PLCG2: variants seen among roughly 807,000 people sequenced by gnomAD.
PLCG2 encodes the protein phospholipase C gamma 2.
PLCG2 carries 69 observed loss-of-function variants against 175.6 expected under a neutral mutation model. That is an observed-to-expected ratio of 0.39 (90% confidence interval 0.32 to 0.48). PLCG2 has a LOEUF of 0.48. Among genes scored for constraint, PLCG2 ranks in the 20% least tolerant of loss-of-function variants. PLCG2 has a pLI of 0.91. For missense variants in PLCG2, 1,798 were observed against 1,650.9 expected, an observed-to-expected ratio of 1.09 and a Z score of -1.54; for synonymous variants, 827 against 624.0, an observed-to-expected ratio of 1.33 and a Z score of -4.85.
At chr16:81,877,395 C>T (rs1158217842) in intron 7 of PLCG2, among the ~76,000 whole-genome samples, 1 of 152,146 alleles carries the variant, frequency 6.6e-6, no homozygotes, top group Non-Finnish European at 1.5e-5. Context: ...GCGGAACTTA[C>T]AGTGAGCCGA....
rs570285272 is a variant in PLCG2, at chr16:81,824,378, C to A, written c.194-30066C>A. ...TGAACTCCTGATCTTAAGTAATCCACCCACCTCAACCTCCCAAAGTGCTGG... is the reference window on the plus strand; with the variant it reads ...TGAACTCCTGATCTTAAGTAATCCAACCACCTCAACCTCCCAAAGTGCTGG... On this transcript the variant is annotated intron_variant, in intron 2 of 32. Coordinates refer to ENST00000564138, the MANE Select transcript of PLCG2 (RefSeq NM_002661.5). Among the ~76,000 whole-genome samples, 12 of 152,344 alleles carry A rather than the reference C, an allele frequency of 7.9e-5. No homozygotes were observed. In the South Asian group the frequency reaches 2.3e-3, roughly 29 times the overall value.
chr16:81,776,166 T>TG (rs2143121190), upstream of PLCG2, among the ~76,000 whole-genome samples: 1 of 149,644 alleles, frequency 6.7e-6, no homozygotes, highest in East Asian at 2.0e-4. Flanking sequence ...TAGAGTGCAG[T>TG]GGTACAATCT....
intron 25 of PLCG2, 33 bp downstream of exon 25, chr16:81,931,687 C>T: frequency 6.2e-7 from 1 of 1,602,718 alleles, no homozygotes; most frequent in South Asian, 1.1e-5. Context: ...GCAGGTGGGC[C>T]TGGCATTCTG....
intron 2 of PLCG2, chr16:81,767,386 C>T (rs1413893994): frequency 2.0e-5 from 3 of 152,006 alleles, no homozygotes; most frequent in Non-Finnish European, 2.9e-5. Context: ...CTAAAGGGAT[C>T]CCCCCGCCTT....
chr16:81,921,476 G>A, intron 21 of PLCG2: 1 of 603,670 alleles, frequency 1.7e-6, no homozygotes, highest in Non-Finnish European at 3.0e-6. Context: ...CCATCCAAAT[G>A]CAACAGTGTT....
intron 2 of PLCG2, among the ~76,000 whole-genome samples, chr16:81,808,056 G>A (rs1004084500): frequency 6.6e-6 from 1 of 152,212 alleles, no homozygotes; most frequent in Non-Finnish European, 1.5e-5. Context: ...AACAATATTA[G>A]GTTGTTTCTA....
At chr16:81,916,076 GA>G (rs557768885) in intron 19 of PLCG2, among the ~76,000 whole-genome samples, 92 of 152,166 alleles carry the variant, frequency 6.0e-4, no homozygotes, top group African/African-American at 2.0e-3. Flanking sequence ...TCTATTTTTA[GA>G]AAATACAAAT....
chr16:81,956,837 A>G lies in PLCG2; in HGVS notation c.3713A>G (p.Asn1238Ser). The G allele has an allele frequency of 6.2e-7, 1 of 1,614,138 alleles. No individual in the cohort carries two copies. Among genetic ancestry groups the G allele is most frequent in the Non-Finnish European group, 8.5e-7 (1 of 1,179,982 alleles). The change falls in exon 32 of 33, where the codon AAT (asparagine) becomes AGT (serine). Residue 1238 changes from asparagine to serine, a missense_variant. Physicochemically the swap from Asn to Ser is conservative, Grantham distance 46. Coordinates refer to ENST00000564138, the MANE Select transcript of PLCG2 (RefSeq NM_002661.5). Reference protein sequence around the residue: ...RDALVKEFSVNENQLQLYQEK... With the variant: ...RDALVKEFSVSENQLQLYQEK... ...GCCCTGGTTAAAGAGTTCAGTGTTAATGAGAACCAGCTCCAGCTGTACCAG... is the reference window on the plus strand; with the variant it reads ...GCCCTGGTTAAAGAGTTCAGTGTTAGTGAGAACCAGCTCCAGCTGTACCAG...
At chr16:81,782,898 T>C (rs931453271) in intron 1 of PLCG2, among the ~76,000 whole-genome samples, 5 of 152,240 alleles carry the variant, frequency 3.3e-5, no homozygotes, top group African/African-American at 1.2e-4. Context: ...TGTCAGCCAC[T>C]GCAGGTGAGA....
chr16:81,900,696 C>G lies in PLCG2; in HGVS notation c.1278C>G (p.Gly426=), dbSNP rs199514190. ...HMAKAFKEVF[G]DLLLTKPTEA... is the part of the protein sequence containing the mutation. ...CCAAGGCCTTCAAGGAAGTATTTGGCGACCTGCTGTTGACGAAGCCCACGG... is the reference window on the plus strand; with the variant it reads ...CCAAGGCCTTCAAGGAAGTATTTGGGGACCTGCTGTTGACGAAGCCCACGG... The change falls in exon 14 of 33, where the codon GGC becomes GGG. Residue 426 remains glycine, a synonymous_variant. Transcript: ENST00000564138. 34 of 1,613,186 alleles carry G rather than the reference C, an allele frequency of 2.1e-5. 1 individual carries two copies. In the South Asian group the frequency reaches 3.7e-4, roughly 18 times the overall value.
chr16:81,783,083 G>T (rs1212311941), intron 1 of PLCG2: 1 of 470,502 alleles, frequency 2.1e-6, no homozygotes, highest in Admixed American at 2.3e-5. Flanking sequence ...CCAGAGTGAG[G>T]GCTGGAAAGA....
chr16:81,753,289 A>G (rs1040485430), intron 1 of PLCG2, among the ~76,000 whole-genome samples: 2 of 143,468 alleles, frequency 1.4e-5, no homozygotes, highest in African/African-American at 5.3e-5. Flanking sequence ...AAACATCCAC[A>G]TTGGTCATTG....
At position 81,823,439 on chromosome 16, in the gene PLCG2, G is replaced by A. The variant is rs148552139; in HGVS notation, c.194-31005G>A. 2.4e-3 allele frequency among the ~76,000 whole-genome samples: 365 copies of A among 152,336 alleles called. 9 individuals carry two copies. The East Asian group carries it at 0.04, about 17-fold the overall frequency. ...AGAGTCCAGGTGAAGATTGAGTGGG[G>A]GTAGGGGCTGCACTGTCTGATCTCT... On this transcript the variant is annotated intron_variant, in intron 2 of 32. Coordinates refer to ENST00000564138, the MANE Select transcript of PLCG2 (RefSeq NM_002661.5).
intron 2 of PLCG2, among the ~76,000 whole-genome samples, chr16:81,812,474 C>T (rs962665936): frequency 6.6e-6 from 1 of 152,210 alleles, no homozygotes; most frequent in Non-Finnish European, 1.5e-5. Context: ...TTCTTGGCTG[C>T]ATAAATGTCT....
chr16:81,834,079 G>A (rs962504392), intron 2 of PLCG2, among the ~76,000 whole-genome samples: 1 of 152,284 alleles, frequency 6.6e-6, no homozygotes, highest in African/African-American at 2.4e-5. Context: ...CTTCCACTGT[G>A]GGCCACCCGC....
chr16:81,753,403 A>C (rs561340169), intron 1 of PLCG2, among the ~76,000 whole-genome samples: 18 of 113,570 alleles, frequency 1.6e-4, no homozygotes, highest in Non-Finnish European at 2.7e-4. Context: ...AAAATTTACC[A>C]TTTTGACCAT....
chr16:81,741,116 C>A (rs1282971678), intron 1 of PLCG2, among the ~76,000 whole-genome samples: 1 of 152,206 alleles, frequency 6.6e-6, no homozygotes, highest in Non-Finnish European at 1.5e-5. Flanking sequence ...GACATCCAGG[C>A]CCAGCCTCAC....
At chr16:81,798,310 G>A (rs559038807) in intron 2 of PLCG2, among the ~76,000 whole-genome samples, 2 of 152,154 alleles carry the variant, frequency 1.3e-5, no homozygotes, top group Non-Finnish European at 2.9e-5. Flanking sequence ...TTGTGTTTGC[G>A]TGGGGGACAT....
intron 2 of PLCG2, among the ~76,000 whole-genome samples, chr16:81,851,800 A>G (rs370282807): frequency 6.6e-6 from 1 of 152,170 alleles, no homozygotes; most frequent in African/African-American, 2.4e-5. Flanking sequence ...GGCGTGGGCC[A>G]CCAGTGCCCG....
Sources: allele counts gnomAD v4.1 joint callset (sites outside exome capture counted in the v4.1 genomes callset), GRCh38; gene constraint gnomAD v4.1.1; transcripts MANE v1.5; gene names NCBI Gene and HGNC (gene_info 2026-07-23, HGNC 2026-07-21).